ATP8B4: variants seen among roughly 807,000 people sequenced by gnomAD.
ATP8B4 encodes the protein ATPase phospholipid transporting 8B4 (putative).
ATP8B4 carries 133 observed loss-of-function variants against 145.6 expected under a neutral mutation model. The observed-to-expected ratio is 0.91, with a 90% CI of 0.79 to 1.05. ATP8B4 has a LOEUF of 1.05. Among genes scored for constraint, ATP8B4 ranks in the 50% least tolerant of loss-of-function variants. The pLI, the probability that ATP8B4 is intolerant of heterozygous loss-of-function variation, is 0.00. For missense variants in ATP8B4, 1,458 were observed against 1,425.2 expected (o/e 1.02, Z -0.37); for synonymous variants, 507 against 492.9 (o/e 1.03, Z -0.38).
intron 6 of ATP8B4, among the ~76,000 whole-genome samples, chr15:50,015,176 T>A (rs972247710): frequency 3.3e-5 from 5 of 152,214 alleles, no homozygotes; most frequent in African/African-American, 1.2e-4. Flanking sequence ...GGATATATTA[T>A]ACATTTTTAT....
chr15:49,863,815 A>G (rs2032292895), intron 26 of ATP8B4, among the ~76,000 whole-genome samples: 1 of 151,960 alleles, frequency 6.6e-6, no homozygotes, highest in Non-Finnish European at 1.5e-5. Flanking sequence ...CTACTAAGGA[A>G]AAAAAAAATT....
chr15:50,091,639 G>C (rs961213888), intron 2 of ATP8B4, among the ~76,000 whole-genome samples: 1 of 152,062 alleles, frequency 6.6e-6, no homozygotes, highest in Non-Finnish European at 1.5e-5. Context: ...CCTGACTAAA[G>C]TTTAGCTCAT....
In ATP8B4 at chr15:50,085,755, T is replaced by C. The variant is rs547819441; in HGVS notation, c.29-11570A>G. 3.4e-5 allele frequency among the ~76,000 whole-genome samples: 5 copies of C among 149,034 alleles called. No individual in the cohort carries two copies. In the East Asian group the frequency reaches 9.7e-4, roughly 29 times the overall value. Reference sequence around the variant, plus strand: ...GAGTACAAGGAGTATCAAGTAAATGTATATGTATATGCATATGTATGTATC... The same window carrying C: ...GAGTACAAGGAGTATCAAGTAAATGCATATGTATATGCATATGTATGTATC... On this transcript the variant is annotated intron_variant, in intron 2 of 27. Transcript: ENST00000284509.
At chr15:49,934,930 G>C (rs1447425299) in intron 14 of ATP8B4, among the ~76,000 whole-genome samples, 1 of 151,994 alleles carries the variant, frequency 6.6e-6, no homozygotes, top group East Asian at 1.9e-4. Flanking sequence ...ATTAACTTTT[G>C]CAATTGATTC....
chr15:49,890,202 G>C (rs752825386), intron 23 of ATP8B4, among the ~76,000 whole-genome samples: 2 of 152,220 alleles, frequency 1.3e-5, no homozygotes, highest in Non-Finnish European at 2.9e-5. Flanking sequence ...GTTGGTAAAT[G>C]AGCAAGCATT....
At chr15:49,936,220 C>G (rs2041723294) in intron 14 of ATP8B4, among the ~76,000 whole-genome samples, 1 of 152,152 alleles carries the variant, frequency 6.6e-6, no homozygotes, top group South Asian at 2.1e-4. Flanking sequence ...TTTGTCAGGT[C>G]TGCTGCTCAG....
intron 3 of ATP8B4, among the ~76,000 whole-genome samples, chr15:50,057,964 T>C (rs2052726057): frequency 6.6e-6 from 1 of 152,136 alleles, no homozygotes; most frequent in African/African-American, 2.4e-5. Context: ...TACTTTCTTT[T>C]TGTGACATCT....
intron 14 of ATP8B4, among the ~76,000 whole-genome samples, chr15:49,954,572 A>G (rs2043390095): frequency 6.6e-6 from 1 of 152,224 alleles, no homozygotes; most frequent in Admixed American, 6.5e-5. Context: ...AACATGAAAA[A>G]ATGCTCATGA....
At chr15:50,138,330 A>AGG (rs2044155701) in intron 1 of ATP8B4, among the ~76,000 whole-genome samples, 1 of 21,382 alleles carries the variant, frequency 4.7e-5, no homozygotes, top group Non-Finnish European at 2.0e-4. Context: ...AGATAGGTAG[A>AGG]TAGATAGATA....
intron 2 of ATP8B4, among the ~76,000 whole-genome samples, chr15:50,102,635 C>G (rs964780141): frequency 6.6e-6 from 1 of 151,944 alleles, no homozygotes; most frequent in African/African-American, 2.4e-5. Context: ...TCCAGGATCA[C>G]AAGAATTCAC....
upstream of ATP8B4, among the ~76,000 whole-genome samples, chr15:50,122,913 C>T (rs917732386): frequency 6.6e-6 from 1 of 152,144 alleles, no homozygotes; most frequent in Non-Finnish European, 1.5e-5. Flanking sequence ...AAGATTAAAA[C>T]CTTCTTCTCA....
At chr15:50,162,425 C>G (rs954113524) in intron 1 of ATP8B4, among the ~76,000 whole-genome samples, 3 of 152,196 alleles carry the variant, frequency 2.0e-5, no homozygotes, top group Admixed American at 2.0e-4. Flanking sequence ...TACAATCTCT[C>G]TATCTCCTCT....
At chr15:50,017,991 CTTT>C (rs35825862) in intron 6 of ATP8B4, among the ~76,000 whole-genome samples, 3 of 140,292 alleles carry the variant, frequency 2.1e-5, no homozygotes, top group Non-Finnish European at 3.1e-5. Context: ...CTTTTTTTTT[CTTT>C]TTTTTTTTTT....
At position 50,044,644 on chromosome 15, in the gene ATP8B4, A is replaced by C. The variant is rs763715376; in HGVS notation, c.250T>G (p.Leu84Val). 1 of 1,613,570 alleles carries C rather than the reference A, an allele frequency of 6.2e-7. No individual in the cohort carries two copies. The highest frequency in any genetic ancestry group is 8.5e-7 in the Non-Finnish European group (1 of 1,179,702). The change falls in exon 5 of 28, where the codon TTG becomes GTG. Residue 84 changes from leucine (L) to valine (V), a missense_variant. Leu to Val is a conservative substitution (Grantham distance 32). Transcript: ENST00000284509. ...GCTGTCATAGTTATCACCAGGACCA[A>C]AGGCACAATGGTGGTAAACCAGGTC... is the stretch of plus-strand genomic sequence containing the variant. ...SLTWFTTIVP[L>V]VLVITMTAVK...
At chr15:49,996,574 C>T in intron 9 of ATP8B4, 103 bp downstream of exon 9, 2 of 939,668 alleles carry the variant, frequency 2.1e-6, no homozygotes, top group South Asian at 1.9e-5. Flanking sequence ...ATTTGATGTC[C>T]TTCCACCAAA....
intron 5 of ATP8B4, among the ~76,000 whole-genome samples, chr15:50,041,702 G>C (rs921380992): frequency 3.3e-5 from 5 of 152,182 alleles, no homozygotes; most frequent in African/African-American, 4.8e-5. Context: ...CCAGGACTTT[G>C]AGAAGCCAAG....
At chr15:50,008,200 ACT>A (rs1486212441) in intron 7 of ATP8B4, among the ~76,000 whole-genome samples, 3 of 152,024 alleles carry the variant, frequency 2.0e-5, no homozygotes. Context: ...AGCAGAACAG[ACT>A]CTCTGCACAC....
intron 18 of ATP8B4, 70 bp downstream of exon 18, chr15:49,920,176 C>T: frequency 2.6e-6 from 4 of 1,544,742 alleles, no homozygotes; most frequent in Non-Finnish European, 3.5e-6. Flanking sequence ...ATGGCTTATT[C>T]CTGTGCTAAA....
chr15:50,143,671 T>C (rs1241066046), intron 1 of ATP8B4, among the ~76,000 whole-genome samples: 1 of 152,188 alleles, frequency 6.6e-6, no homozygotes, highest in Admixed American at 6.6e-5. Context: ...ACTTAGAGGC[T>C]AGGTGCCACA....
Sources: allele counts gnomAD v4.1 joint callset (sites outside exome capture counted in the v4.1 genomes callset), GRCh38; gene constraint gnomAD v4.1.1; transcripts MANE v1.5; gene names NCBI Gene and HGNC (gene_info 2026-07-23, HGNC 2026-07-21).